Variants in ZIC5 observed in about 807,000 individuals in gnomAD.
ZIC5 encodes zinc finger protein ZIC 5.
In ZIC5, 20 loss-of-function variants were observed where a neutral mutation model predicts 28.5. That is an observed-to-expected ratio of 0.70 (90% confidence interval 0.49 to 1.02). The LOEUF (loss-of-function observed/expected upper bound fraction) is 1.02. ZIC5 is among the 50% of genes least tolerant of loss of function. ZIC5 has a pLI of 0.00. For synonymous variants in ZIC5, 488 were observed against 410.4 expected, an observed-to-expected ratio of 1.19 and a Z score of -2.29; for missense variants, 951 against 899.7, an observed-to-expected ratio of 1.06 and a Z score of -0.73.
chr13:99,963,111 G>A lies in ZIC5; in HGVS notation c.*2266C>T, dbSNP rs115776014. ...GAGGTACACATTTTTTTTTATTTTA[G>A]GTGTATCAAGAACCAATAAATCTGT... On this transcript the variant is annotated 3_prime_UTR_variant, in exon 2 of 2. Coordinates refer to ENST00000267294, the MANE Select transcript of ZIC5 (RefSeq NM_033132.5). 5,891 of 152,062 alleles carry A rather than the reference G, an allele frequency of 0.039. 144 individuals carry two copies. The highest frequency in any genetic ancestry group is 0.094 in the South Asian group (453 of 4,818). The allele number at this position is 152,062 out of a possible 1,614,324, so 9.4% of individuals were successfully genotyped here. A position where few individuals can be genotyped will look rare whatever the true frequency, so the allele number is the denominator to read the frequency against.
At chr13:99,968,286 G>C (rs1258993353) in intron 1 of ZIC5, among the ~76,000 whole-genome samples, 1 of 152,194 alleles carries the variant, frequency 6.6e-6, no homozygotes, top group Non-Finnish European at 1.5e-5. Flanking sequence ...AACCCGAGGC[G>C]CCTGCGTCCC....
intron 1 of ZIC5, 110 bp downstream of exon 1, chr13:99,970,017 G>T: frequency 6.6e-7 from 1 of 1,522,276 alleles, no homozygotes; most frequent in Non-Finnish European, 8.9e-7. Context: ...AGCAGCAGAA[G>T]GAGAAAAAAA....
Position 99,969,207 on chromosome 13 carries a change from G to A in ZIC5, c.1477+920C>T, listed in dbSNP as rs535418856. Among the ~76,000 whole-genome samples the A allele has an allele frequency of 9.4e-4, 143 of 152,308 alleles. 5 individuals are homozygous for A. In the South Asian group the frequency reaches 0.029, roughly 31 times the overall value. ...TGGGATCCCCAGAGGCAGGGCTTGA[G>A]GTGGGGTGGGAGGGTCCCCACGACG... On this transcript the variant is annotated intron_variant, in intron 1 of 1. Coordinates refer to ENST00000267294, the MANE Select transcript of ZIC5 (RefSeq NM_033132.5).
rs1348974388 is a variant in ZIC5 at position 99,964,058 on chromosome 13, C to T, written c.*1319G>A. 1 of 152,554 alleles carries T rather than the reference C, an allele frequency of 6.6e-6. No homozygotes were observed. The highest frequency in any genetic ancestry group is 2.1e-4 in the South Asian group (1 of 4,828). The allele number at this position is 152,554 out of a possible 1,614,324, so 9.5% of individuals were successfully genotyped here. A position where few individuals can be genotyped will look rare whatever the true frequency, so the allele number is the denominator to read the frequency against. On this transcript the variant is annotated 3_prime_UTR_variant, in exon 2 of 2. Transcript: ENST00000267294. ...AGGTCCTTGACCTTTTTTATCCTAG[C>T]TTGACAGCTCTGGCAAAGGTCACAC...
chr13:99,971,363 T>G lies in ZIC5; in HGVS notation c.241A>C (p.Ser81Arg). Residue 81 changes from serine to arginine, a missense_variant, in exon 1 of 2, where the codon AGC becomes CGC. Ser to Arg is a moderately radical substitution (Grantham distance 110). Transcript: ENST00000267294. ...HMAQASTLGL[S>R]PPSQAFPAHP... ...GCCGGGAACGCCTGGGAGGGAGGGC[T>G]GAGGCCCAGCGTGCTCGCCTGGGCC... is the stretch of plus-strand genomic sequence containing the variant. 2.1e-6 allele frequency: 3 copies of G among 1,452,806 alleles called. No homozygotes were observed. Among genetic ancestry groups the G allele is most frequent in the Non-Finnish European group, 2.7e-6 (3 of 1,114,344 alleles). The allele number at this position is 1,452,806 out of a possible 1,614,324, so 90.0% of individuals were successfully genotyped here. A position where few individuals can be genotyped will look rare whatever the true frequency, so the allele number is the denominator to read the frequency against.
At chr13:99,966,364 T>C (rs760592801) in intron 1 of ZIC5, among the ~76,000 whole-genome samples, 3 of 152,144 alleles carry the variant, frequency 2.0e-5, no homozygotes, top group East Asian at 1.9e-4. Flanking sequence ...CAGGATTTCA[T>C]TGAAGGAGAG....
intron 1 of ZIC5, among the ~76,000 whole-genome samples, chr13:99,969,873 G>T (rs1254232483): frequency 6.6e-6 from 1 of 151,134 alleles, no homozygotes; most frequent in Non-Finnish European, 1.5e-5. Context: ...CTGCGGGCGC[G>T]CTGGAGACTC....
intron 1 of ZIC5, among the ~76,000 whole-genome samples, chr13:99,968,646 G>A (rs1193453223): frequency 6.6e-6 from 1 of 152,176 alleles, no homozygotes; most frequent in East Asian, 1.9e-4. Flanking sequence ...CCCTTTCGGG[G>A]CCGGGCTGGG....
At position 99,970,259 on chromosome 13, in the gene ZIC5, T is replaced by C; in HGVS notation, c.1345A>G (p.Lys449Glu). 6.2e-7 allele frequency: 1 copy of C among 1,613,662 alleles called. No individual in the cohort carries two copies. Among genetic ancestry groups the C allele is most frequent in the Non-Finnish European group, 8.5e-7 (1 of 1,179,798 alleles). Residue 449 changes from lysine to glutamate, a missense_variant, in exon 1 of 2, where the codon AAG becomes GAG. Physicochemically the swap from Lys to Glu is moderately conservative, Grantham distance 56. Around this residue, in one of 3 missense-constraint regions of ZIC5, gnomAD observed 784 missense variants for 660.1 expected, o/e 1.19. Coordinates refer to ENST00000267294, the MANE Select transcript of ZIC5 (RefSeq NM_033132.5). Reference protein sequence around the residue: ...EDCPREGKPFKAKYKLINHIR... With the variant: ...EDCPREGKPFEAKYKLINHIR... ...TGGTTGATGAGCTTGTATTTGGCCTTGAAGGGCTTGCCCTCGCGCGGACAG... is the reference window on the plus strand; with the variant it reads ...TGGTTGATGAGCTTGTATTTGGCCTCGAAGGGCTTGCCCTCGCGCGGACAG...
chr13:99,968,429 C>T (rs983977511), intron 1 of ZIC5, among the ~76,000 whole-genome samples: 1 of 152,092 alleles, frequency 6.6e-6, no homozygotes, highest in African/African-American at 2.4e-5. Flanking sequence ...CCTGGGGTCC[C>T]CCGCGCCCCC....
chr13:99,970,773 T>C lies in ZIC5; in HGVS notation c.831A>G (p.Glu277=). ...CCCCAGAGCGCGGCGCGAAGGGCGG[T>C]TCGGCGCGGCCGTACAGCTCAGCCG... ...AAAAELYGRA[E]PPFAPRSGDA... Residue 277 remains glutamate (E), a synonymous_variant, in exon 1 of 2, where the codon GAA becomes GAG. Transcript: ENST00000267294. The C allele has an allele frequency of 8.5e-7, 1 of 1,179,626 alleles. No homozygotes were observed. The highest frequency in any genetic ancestry group is 4.2e-5 in the East Asian group (1 of 24,082). 73.1% of individuals were successfully genotyped at this position (1,179,626 alleles called of 1,614,324 possible).
At position 99,971,178 on chromosome 13, in the gene ZIC5, A is replaced by AGGGGGAGGGGGTGAAGGG. The variant is rs1301029639; in HGVS notation, c.408_425dup (p.Ser138_Pro143dup). 8 of 129,640 alleles carry AGGGGGAGGGGGTGAAGGG rather than the reference A, an allele frequency of 6.2e-5. No homozygotes were observed. The highest frequency in any genetic ancestry group is 8.3e-5 in the Non-Finnish European group (8 of 96,502). The allele number at this position is 129,640 out of a possible 1,614,324, so 8.0% of individuals were successfully genotyped here. ...GGGCAGGAGGAGGAGGAGGCGGGGG[A>AGGGGGAGGGGGTGAAGGG]GGGGGAGGGGGTGAAGGGGTGGGAG... is the stretch of plus-strand genomic sequence containing the variant. On this transcript the variant is annotated inframe_insertion, in exon 1 of 2. Transcript: ENST00000267294.
upstream of ZIC5, chr13:99,971,905 G>GC (rs2053164686): frequency 1.7e-6 from 1 of 574,110 alleles, no homozygotes. Context: ...GCGGGGATTC[G>GC]CCCCCGTGCT....
Position 99,963,638 on chromosome 13 carries a change from T to C in ZIC5, c.*1739A>G, listed in dbSNP as rs534059874. 142 of 152,434 alleles carry C rather than the reference T, an allele frequency of 9.3e-4. 2 individuals carry two copies. The highest frequency in any genetic ancestry group is 1.9e-4 in the East Asian group (1 of 5,178). 9.4% of individuals were successfully genotyped at this position (152,434 alleles called of 1,614,324 possible). On this transcript the variant is annotated 3_prime_UTR_variant, in exon 2 of 2. Transcript: ENST00000267294. ...ATTACGTTGTTCATTCAAGTAAGCT[T>C]AAAAATATATTTTTCCATTTTCTTT... is the stretch of plus-strand genomic sequence containing the variant.
In ZIC5 at chr13:99,970,602, C is replaced by T; in HGVS notation, c.1002G>A (p.Pro334=). 2.0e-6 allele frequency: 2 copies of T among 1,001,040 alleles called. No homozygotes were observed. The highest frequency in any genetic ancestry group is 2.4e-6 in the Non-Finnish European group (2 of 843,918). 62.0% of individuals were successfully genotyped at this position (1,001,040 alleles called of 1,614,324 possible). ...CGGGCGCCGGCGGCGGCGGCGGCGC[C>T]GGGGGCGGCGCGTGGTGCTGCAGGT... The part of the protein sequence containing the change: ...GPHLQHHAPP[P]APPPPPAPAQ... The change falls in exon 1 of 2, where the codon CCG becomes CCA. Residue 334 remains proline (P), a synonymous_variant. Coordinates refer to ENST00000267294, the MANE Select transcript of ZIC5 (RefSeq NM_033132.5).
Position 99,971,493 on chromosome 13 carries a change from G to A in ZIC5, c.111C>T (p.Gly37=), listed in dbSNP as rs560271093. Residue 37 remains glycine (G), a synonymous_variant, in exon 1 of 2, where the codon GGC becomes GGT. Coordinates refer to ENST00000267294, the MANE Select transcript of ZIC5 (RefSeq NM_033132.5). ...CCCGGAGTTGGGAGTGGGCGGGCGG[G>A]CCGGCCAGCGCCGGGAAGCCTGTCA... ...QNMTGFPALA[G]PPAHSQLRAA... 29 of 1,550,416 alleles carry A rather than the reference G, an allele frequency of 1.9e-5. No individual in the cohort carries two copies. In the Admixed American group the frequency reaches 5.1e-4, roughly 27 times the overall value.
chr13:99,968,503 T>G (rs1425234836), intron 1 of ZIC5, among the ~76,000 whole-genome samples: 2 of 151,948 alleles, frequency 1.3e-5, no homozygotes, highest in Non-Finnish European at 2.9e-5. Context: ...GGGCGTGGCC[T>G]GTCCCGCCGG....
rs950063147 is a variant in ZIC5, at chr13:99,971,746, A to C, written c.-143T>G. ...CTCTGCTTATTCCTGTTCCCACTCT[A>C]TCCTCCAGCGATTGGCAGAGTGAAC... On this transcript the variant is annotated 5_prime_UTR_variant, in exon 1 of 2. Transcript: ENST00000267294. The C allele has an allele frequency of 4.0e-5, 61 of 1,534,884 alleles. No individual in the cohort carries two copies. The highest frequency in any genetic ancestry group is 3.3e-5 in the Non-Finnish European group (37 of 1,134,634).
rs1394367700 is a variant in ZIC5, at chr13:99,970,816, G to A, written c.788C>T (p.Ala263Val). 2.5e-6 allele frequency: 3 copies of A among 1,213,884 alleles called. No homozygotes were observed. Among genetic ancestry groups the A allele is most frequent in the Non-Finnish European group, 2.0e-6 (2 of 980,570 alleles). 75.2% of individuals were successfully genotyped at this position (1,213,884 alleles called of 1,614,324 possible). The change falls in exon 1 of 2, where the codon GCG (alanine) becomes GTG (valine). Residue 263 changes from alanine (A) to valine (V), a missense_variant. By Grantham distance (64) the Ala-to-Val change is moderately conservative. Around this residue, in one of 3 missense-constraint regions of ZIC5, gnomAD observed 784 missense variants for 660.1 expected, o/e 1.19. Transcript: ENST00000267294. Reference protein sequence around the residue: ...LNGQMRLGLAAAAAAAAAELY... With the variant: ...LNGQMRLGLAVAAAAAAAELY... The stretch of plus-strand genomic sequence containing the variant: ...CTCAGCCGCCGCGGCTGCCGCTGCC[G>A]CCGCCAGCCCCAGGCGCATCTGGCC...
Sources: gnomAD v4.1 joint callset for allele counts (sites outside exome capture counted in the v4.1 genomes callset) on GRCh38, gnomAD v4.1.1 for gene constraint, gnomAD v4.1.1 regional missense constraint, MANE v1.5 for transcripts, NCBI Gene and HGNC (gene_info 2026-07-23, HGNC 2026-07-21) for gene names.